GPR158: variants seen among roughly 807,000 people sequenced by gnomAD.
GPR158 encodes metabotropic glycine receptor.
A neutral mutation model predicts 78.2 loss-of-function variants in GPR158; 30 were observed. That is an observed-to-expected ratio of 0.38 (90% CI 0.29 to 0.52). The LOEUF is 0.52. GPR158 is among the 20% of genes least tolerant of loss of function. The pLI is 0.83. For synonymous variants in GPR158, 581 were observed against 591.1 expected, an observed-to-expected ratio of 0.98 and a Z score of 0.25; for missense variants, 1,463 against 1,523.5, an observed-to-expected ratio of 0.96 and a Z score of 0.66.
intron 4 of GPR158, among the ~76,000 whole-genome samples, chr10:25,454,538 A>T (rs1835266019): frequency 6.6e-6 from 1 of 152,178 alleles, no homozygotes; most frequent in Non-Finnish European, 1.5e-5. Flanking sequence ...ACACGAAGCT[A>T]TTAGTTGTCT....
intron 2 of GPR158, among the ~76,000 whole-genome samples, chr10:25,228,185 A>G (rs1488852703): frequency 6.6e-6 from 1 of 152,108 alleles, no homozygotes; most frequent in African/African-American, 2.4e-5. Context: ...TGAGGCAGGA[A>G]GATCTTTTGA....
At chr10:25,212,030 T>C (rs1564392651) in intron 1 of GPR158, among the ~76,000 whole-genome samples, 1 of 152,194 alleles carries the variant, frequency 6.6e-6, no homozygotes, top group Non-Finnish European at 1.5e-5. Flanking sequence ...TTCTCAAAAA[T>C]TCATACAGAA....
chr10:25,458,906 T>C (rs1157677607), intron 4 of GPR158, among the ~76,000 whole-genome samples: 1 of 152,186 alleles, frequency 6.6e-6, no homozygotes, highest in Non-Finnish European at 1.5e-5. Context: ...AAACCTAAAA[T>C]TGATTTTAAC....
At chr10:25,289,989 TGTTA>T (rs797005314) in intron 2 of GPR158, among the ~76,000 whole-genome samples, 1 of 152,210 alleles carries the variant, frequency 6.6e-6, no homozygotes, top group Admixed American at 6.5e-5. Flanking sequence ...TCATGAGCCA[TGTTA>T]GTTAACATTT....
chr10:25,309,634 A>T lies in GPR158; in HGVS notation c.1009-86277A>T, dbSNP rs185335756. ...TGTCCCCACCCAAATCTAATCTTGA[A>T]TTGTAGCACCCATAATCCCCATGTG... On this transcript the variant is annotated intron_variant, in intron 2 of 10. Coordinates refer to ENST00000376351, the MANE Select transcript of GPR158 (RefSeq NM_020752.3). Among the ~76,000 whole-genome samples, 157 of 152,188 alleles carry T rather than the reference A, an allele frequency of 1.0e-3. 1 individual carries two copies. The highest frequency in any genetic ancestry group is 3.5e-3 in the African/African-American group (146 of 41,520).
chr10:25,372,342 G>C (rs997104670), intron 2 of GPR158, among the ~76,000 whole-genome samples: 28 of 151,686 alleles, frequency 1.8e-4, no homozygotes, highest in African/African-American at 6.8e-4. Context: ...ATTTGACCCA[G>C]CCATCCCATT....
At chr10:25,527,801 T>G (rs754894529) in intron 5 of GPR158, among the ~76,000 whole-genome samples, 27 of 151,898 alleles carry the variant, frequency 1.8e-4, no homozygotes, top group Non-Finnish European at 3.4e-4. Flanking sequence ...CTGGCAAGAC[T>G]GATCAAGAAA....
intron 2 of GPR158, among the ~76,000 whole-genome samples, chr10:25,232,485 TTAAC>T (rs1853462470): frequency 6.6e-6 from 1 of 152,234 alleles, no homozygotes; most frequent in African/African-American, 2.4e-5. Context: ...TTAGAGAGCT[TTAAC>T]TGACTGTATT....
At chr10:25,448,198 C>A (rs1387238045) in intron 4 of GPR158, among the ~76,000 whole-genome samples, 1 of 151,726 alleles carries the variant, frequency 6.6e-6, no homozygotes, top group Admixed American at 6.6e-5. Context: ...CATTCTCCTG[C>A]CTCAGCCTCC....
At chr10:25,185,634 T>C (rs890511914) in intron 1 of GPR158, among the ~76,000 whole-genome samples, 2 of 152,114 alleles carry the variant, frequency 1.3e-5, no homozygotes, top group African/African-American at 4.8e-5. Context: ...CTATCCTGGC[T>C]AACAGGGTGA....
chr10:25,596,891 T>A, intron 10 of GPR158, 102 bp downstream of exon 10: 1 of 889,306 alleles, frequency 1.1e-6, no homozygotes, highest in South Asian at 1.6e-5. Flanking sequence ...TGTACACTCA[T>A]GTTTGTGCAT....
At chr10:25,575,265 A>G (rs1433360376) in intron 7 of GPR158, among the ~76,000 whole-genome samples, 1 of 152,228 alleles carries the variant, frequency 6.6e-6, no homozygotes, top group African/African-American at 2.4e-5. Context: ...AGAGGAATTT[A>G]GAGAAGCAGA....
At chr10:25,472,589 C>T (rs1046898311) in intron 5 of GPR158, among the ~76,000 whole-genome samples, 8 of 152,194 alleles carry the variant, frequency 5.3e-5, no homozygotes, top group African/African-American at 1.9e-4. Context: ...CTCTTCCTAC[C>T]CATGAGCATG....
intron 4 of GPR158, among the ~76,000 whole-genome samples, chr10:25,450,690 T>C (rs1209105148): frequency 6.6e-6 from 1 of 152,178 alleles, no homozygotes; most frequent in Non-Finnish European, 1.5e-5. Flanking sequence ...ATTGTCTGTC[T>C]CCTTGCACTC....
intron 2 of GPR158, among the ~76,000 whole-genome samples, chr10:25,239,653 A>C (rs927349951): frequency 2.6e-5 from 4 of 151,784 alleles, no homozygotes; most frequent in Admixed American, 2.6e-4. Context: ...GTTGGTGCAC[A>C]CTACCCTGTA....
In GPR158 at chr10:25,487,422, G is replaced by A. The variant is rs562819140; in HGVS notation, c.1404+20703G>A. Among the ~76,000 whole-genome samples the A allele has an allele frequency of 4.6e-5, 7 of 152,252 alleles. No homozygotes were observed. The South Asian group carries it at 8.3e-4, about 18-fold the overall frequency. On this transcript the variant is annotated intron_variant, in intron 5 of 10. Transcript: ENST00000376351. ...AAAAAGGCCATTTTCCTCCTTGGCC[G>A]TAAATACCAGGCCCTCATTCCCACG...
At chr10:25,279,670 A>G (rs753024048) in intron 2 of GPR158, among the ~76,000 whole-genome samples, 4 of 152,212 alleles carry the variant, frequency 2.6e-5, no homozygotes, top group Non-Finnish European at 5.9e-5. Context: ...ACAGCTAGAG[A>G]AACAGTCTTC....
chr10:25,548,210 A>G (rs934489472), intron 5 of GPR158, among the ~76,000 whole-genome samples: 1 of 152,190 alleles, frequency 6.6e-6, no homozygotes, highest in Non-Finnish European at 1.5e-5. Flanking sequence ...TATACTGAGG[A>G]ACAGGCCCTT....
chr10:25,227,835 CAA>C (rs1430887375), intron 2 of GPR158, among the ~76,000 whole-genome samples: 2 of 152,164 alleles, frequency 1.3e-5, no homozygotes, highest in South Asian at 2.1e-4. Flanking sequence ...TTCTGAGACA[CAA>C]GACTAGTCAT....
Sources: allele counts gnomAD v4.1 joint callset (sites outside exome capture counted in the v4.1 genomes callset), GRCh38; gene constraint gnomAD v4.1.1; transcripts MANE v1.5; gene names NCBI Gene and HGNC (gene_info 2026-07-23, HGNC 2026-07-21).